The following HVCN1 variants were observed in gnomAD, a reference collection of about 807,000 sequenced individuals.
The protein encoded by HVCN1 is hydrogen voltage gated channel 1, also known as voltage-gated hydrogen channel 1.
HVCN1 carries 14 observed loss-of-function variants against 29.2 expected under a neutral mutation model. The ratio of observed to expected loss-of-function variants is 0.48; its 90% CI spans 0.32 to 0.75. HVCN1 has a LOEUF of 0.75. Among genes scored for constraint, HVCN1 ranks in the 30% least tolerant of loss-of-function variants. The probability of loss-of-function intolerance (pLI) is 0.04; values close to 1 mark genes in which losing one functional copy is unlikely to be tolerated. For synonymous variants in HVCN1, 131 were observed against 133.2 expected (o/e 0.98, Z 0.11); for missense variants, 263 against 341.8 (o/e 0.77, Z 1.82).
chr12:110,683,131 G>T, intron 3 of HVCN1, 94 bp downstream of exon 3: 2 of 1,524,274 alleles, frequency 1.3e-6, no homozygotes, highest in African/African-American at 2.7e-5. Flanking sequence ...CACCTGAACA[G>T]GGAGTTCTCC....
intron 3 of HVCN1, among the ~76,000 whole-genome samples, chr12:110,667,037 G>T (rs1334892027): frequency 6.6e-6 from 1 of 152,174 alleles, no homozygotes; most frequent in Non-Finnish European, 1.5e-5. Context: ...CATCTCCCAT[G>T]CTGGGCTCAT....
At chr12:110,656,310 T>C (rs2067988519) in intron 4 of HVCN1, among the ~76,000 whole-genome samples, 1 of 152,122 alleles carries the variant, frequency 6.6e-6, no homozygotes, top group Non-Finnish European at 1.5e-5. Context: ...CACAGCCTCC[T>C]GGGCTTTGTG....
chr12:110,663,622 AAG>A lies in HVCN1; in HGVS notation c.22-2176_22-2175del, dbSNP rs1173007269. Among the ~76,000 whole-genome samples, 6 of 151,526 alleles carry A rather than the reference AAG, an allele frequency of 4.0e-5. No individual in the cohort carries two copies. In the East Asian group the frequency reaches 9.6e-4, roughly 24 times the overall value. On this transcript the variant is annotated intron_variant, in intron 3 of 7. Coordinates refer to ENST00000242607, the MANE Select transcript of HVCN1 (RefSeq NM_032369.4). ...AAAAAAAAAAAAAAAAAGAATAAAA[AAG>A]AAAAAAAATTTATCTACATGTGGGA...
chr12:110,701,988 C>T (rs1164890070), intron 2 of HVCN1, among the ~76,000 whole-genome samples: 1 of 150,416 alleles, frequency 6.6e-6, no homozygotes, highest in Non-Finnish European at 1.5e-5. Flanking sequence ...TCTTGTTGCC[C>T]AGGCTGGAGT....
At chr12:110,651,854 T>C (rs1287462368) in intron 5 of HVCN1, among the ~76,000 whole-genome samples, 2 of 152,186 alleles carry the variant, frequency 1.3e-5, no homozygotes, top group African/African-American at 4.8e-5. Flanking sequence ...CACCTCCATA[T>C]GGGGCCCTAA....
chr12:110,679,756 G>T (rs1486541529), intron 3 of HVCN1, among the ~76,000 whole-genome samples: 1 of 152,164 alleles, frequency 6.6e-6, no homozygotes, highest in African/African-American at 2.4e-5. Context: ...GGGAGGCTGA[G>T]GCAGGAGAAT....
At chr12:110,685,800 C>T (rs954685669) in intron 2 of HVCN1, among the ~76,000 whole-genome samples, 1 of 152,078 alleles carries the variant, frequency 6.6e-6, no homozygotes, top group Non-Finnish European at 1.5e-5. Context: ...AGCGATCCTC[C>T]CACCTCAACC....
chr12:110,699,762 C>G (rs1418159702), intron 2 of HVCN1, among the ~76,000 whole-genome samples: 1 of 152,160 alleles, frequency 6.6e-6, no homozygotes, highest in Non-Finnish European at 1.5e-5. Context: ...TTCTTCTAGT[C>G]TTCACAATGG....
At chr12:110,680,216 C>T (rs2068910662) in intron 3 of HVCN1, among the ~76,000 whole-genome samples, 1 of 152,210 alleles carries the variant, frequency 6.6e-6, no homozygotes, top group African/African-American at 2.4e-5. Flanking sequence ...CTCCTGACAA[C>T]ACCCTCTCAG....
At chr12:110,701,569 T>C (rs1171465886) in intron 2 of HVCN1, among the ~76,000 whole-genome samples, 5 of 151,910 alleles carry the variant, frequency 3.3e-5, no homozygotes, top group Non-Finnish European at 5.9e-5. Flanking sequence ...TTAAAACAGG[T>C]CCCTGAGCTG....
At chr12:110,656,675 T>G (rs544805055) in intron 4 of HVCN1, among the ~76,000 whole-genome samples, 1 of 152,358 alleles carries the variant, frequency 6.6e-6, no homozygotes, top group East Asian at 1.9e-4. Flanking sequence ...TTCTGCAGTT[T>G]CAGGTTAAAA....
chr12:110,650,737 C>G (rs2067772303), intron 6 of HVCN1, among the ~76,000 whole-genome samples: 1 of 150,310 alleles, frequency 6.7e-6, no homozygotes, highest in Non-Finnish European at 1.5e-5. Flanking sequence ...CTCTGTCACC[C>G]AGGCTAGAGT....
At position 110,676,766 on chromosome 12, in the gene HVCN1, G is replaced by A. The variant is rs772598037; in HGVS notation, c.21+6459C>T. 5.3e-5 allele frequency among the ~76,000 whole-genome samples: 8 copies of A among 152,054 alleles called. No individual in the cohort carries two copies. Among genetic ancestry groups the A allele is most frequent in the Non-Finnish European group, 7.4e-5 (5 of 68,012 alleles). On this transcript the variant is annotated intron_variant, in intron 3 of 7. Transcript: ENST00000242607. This position sits in a 1 kb window ranked among gnomAD's most constrained non-coding sequence, Gnocchi z 4.1. ...AGGTTTTTTCTGAACTTCACCCCACGTGCCTTTTCCCTTTACTGATTTTAA... is the reference window on the plus strand; with the variant it reads ...AGGTTTTTTCTGAACTTCACCCCACATGCCTTTTCCCTTTACTGATTTTAA...
At chr12:110,688,743 C>G (rs1440324150) in intron 1 of HVCN1, 35 bp from the exon 2 acceptor site, 1 of 152,374 alleles carries the variant, frequency 6.6e-6, no homozygotes, top group Non-Finnish European at 1.5e-5. Flanking sequence ...TCACCTGTGG[C>G]TGCTGCGCGG....
upstream of HVCN1, among the ~76,000 whole-genome samples, chr12:110,691,665 C>A (rs545407522): frequency 2.6e-5 from 4 of 152,294 alleles, no homozygotes; most frequent in South Asian, 6.2e-4. Context: ...GTCTTAACAT[C>A]TGGTCTTGCC....
chr12:110,662,272 G>C (rs1481989808), intron 3 of HVCN1, among the ~76,000 whole-genome samples: 1 of 151,922 alleles, frequency 6.6e-6, no homozygotes, highest in Non-Finnish European at 1.5e-5. Context: ...CCCCCACACA[G>C]AATACATCTG....
intron 3 of HVCN1, among the ~76,000 whole-genome samples, chr12:110,677,721 G>A (rs2068794508): frequency 6.6e-6 from 1 of 152,210 alleles, no homozygotes; most frequent in Non-Finnish European, 1.5e-5. Flanking sequence ...CTTTAAATAA[G>A]TGTAGAAACT....
rs1255924708 is a variant in HVCN1, at chr12:110,658,222, T to G, written c.307-2884A>C. On this transcript the variant is annotated intron_variant, in intron 4 of 7. Coordinates refer to ENST00000242607, the MANE Select transcript of HVCN1 (RefSeq NM_032369.4). The surrounding 1 kb of genome is among the most constrained non-coding windows in gnomAD (Gnocchi z 5.0). ...TGTAAGAAGGGACCTCAATTAACTA[T>G]TAATATATCAAGCACCTTGGCCATC... is the stretch of plus-strand genomic sequence containing the variant. Among the ~76,000 whole-genome samples, 3 of 152,022 alleles carry G rather than the reference T, an allele frequency of 2.0e-5. No individual in the cohort carries two copies. Among genetic ancestry groups the G allele is most frequent in the African/African-American group, 4.8e-5 (2 of 41,390 alleles).
In HVCN1 at chr12:110,678,560, C is replaced by T. The variant is rs141321546; in HGVS notation, c.21+4665G>A. 7.1e-3 allele frequency among the ~76,000 whole-genome samples: 1,063 copies of T among 150,724 alleles called. 1 individual carries two copies. The highest frequency in any genetic ancestry group is 9.4e-3 in the Non-Finnish European group (634 of 67,720). On this transcript the variant is annotated intron_variant, in intron 3 of 7. Transcript: ENST00000242607. ...CAACGTCCTGGGCTCAAGAGATCCTCCCACCTCAGCCCAGGAAGTAGCTGA... is the reference window on the plus strand; with the variant it reads ...CAACGTCCTGGGCTCAAGAGATCCTTCCACCTCAGCCCAGGAAGTAGCTGA...
Sources: gnomAD v4.1 joint callset for allele counts (sites outside exome capture counted in the v4.1 genomes callset) on GRCh38, gnomAD v4.1.1 for gene constraint, Gnocchi (gnomAD v3.1) non-coding constraint, MANE v1.5 for transcripts, NCBI Gene and HGNC (gene_info 2026-07-23, HGNC 2026-07-21) for gene names.